Variants in CEP128 observed in about 807,000 individuals in gnomAD.
CEP128 encodes centrosomal protein 128kDa.
CEP128 carries 132 observed loss-of-function variants against 156.7 expected under a neutral mutation model. The observed-to-expected ratio is 0.84, with a 90% CI of 0.73 to 0.97. The LOEUF is 0.97. Among genes scored for constraint, CEP128 ranks in the 50% least tolerant of loss-of-function variants. The pLI, the probability that CEP128 is intolerant of heterozygous loss-of-function variation, is 0.00. For synonymous variants in CEP128, 469 were observed against 448.9 expected, an observed-to-expected ratio of 1.04 and a Z score of -0.57; for missense variants, 1,252 against 1,281.9, an observed-to-expected ratio of 0.98 and a Z score of 0.36.
intron 23 of CEP128, among the ~76,000 whole-genome samples, chr14:80,510,702 G>C (rs1888204668): frequency 1.3e-5 from 2 of 151,878 alleles, no homozygotes; most frequent in South Asian, 4.1e-4. Context: ...GTTTTCAGTT[G>C]TTCCTCATTC....
intron 19 of CEP128, among the ~76,000 whole-genome samples, chr14:80,683,861 A>G (rs1465545454): frequency 1.3e-5 from 2 of 152,144 alleles, no homozygotes; most frequent in Admixed American, 1.3e-4. Context: ...TTGCTCCTGA[A>G]TGACTTTTGG....
intron 9 of CEP128, among the ~76,000 whole-genome samples, chr14:80,841,639 A>G (rs1302961283): frequency 2.0e-5 from 3 of 152,036 alleles, no homozygotes; most frequent in Admixed American, 2.0e-4. Flanking sequence ...GATTCTATGA[A>G]TTATTATTAT....
chr14:80,843,909 T>C (rs1489497320), intron 9 of CEP128, among the ~76,000 whole-genome samples: 1 of 151,958 alleles, frequency 6.6e-6, no homozygotes, highest in Admixed American at 6.6e-5. Flanking sequence ...TCCAAAGCCA[T>C]CAAACATCAA....
intron 19 of CEP128, among the ~76,000 whole-genome samples, chr14:80,591,162 A>C (rs890438933): frequency 6.6e-6 from 1 of 152,224 alleles, no homozygotes; most frequent in African/African-American, 2.4e-5. Flanking sequence ...TAACAATATT[A>C]ACCTTAAATG....
chr14:80,540,682 C>T lies in CEP128; in HGVS notation c.2881-9796G>A, dbSNP rs557628543. On this transcript the variant is annotated intron_variant, in intron 21 of 24. Coordinates refer to ENST00000555265, the MANE Select transcript of CEP128 (RefSeq NM_152446.5). The stretch of plus-strand genomic sequence containing the variant: ...AGGATGTCATTTGGAGAGCAGACTG[C>T]TAGCCCCTCACCCCTAACCAGGAGA... Among the ~76,000 whole-genome samples, 17 of 152,288 alleles carry T rather than the reference C, an allele frequency of 1.1e-4. No individual in the cohort carries two copies. The South Asian group carries it at 1.9e-3, about 17-fold the overall frequency.
chr14:80,619,373 C>CACAG (rs1555383083), intron 19 of CEP128, among the ~76,000 whole-genome samples: 1 of 148,684 alleles, frequency 6.7e-6, no homozygotes, highest in African/African-American at 2.5e-5. Flanking sequence ...CACAGACACA[C>CACAG]ACACACACAC....
At chr14:80,729,072 T>G (rs1040570169) in intron 19 of CEP128, among the ~76,000 whole-genome samples, 27 of 50,034 alleles carry the variant, frequency 5.4e-4, no homozygotes, top group African/African-American at 1.0e-3. Context: ...TGTGTGTGTG[T>G]GTGTGTGTGT....
At chr14:80,537,054 T>C (rs1889517042) in intron 21 of CEP128, among the ~76,000 whole-genome samples, 1 of 152,198 alleles carries the variant, frequency 6.6e-6, no homozygotes, top group Non-Finnish European at 1.5e-5. Flanking sequence ...ACTATTGTAG[T>C]CAAAAGTGGT....
intron 19 of CEP128, among the ~76,000 whole-genome samples, chr14:80,608,017 C>T (rs777312206): frequency 5.3e-5 from 8 of 152,162 alleles, no homozygotes; most frequent in Non-Finnish European, 1.2e-4. Context: ...GCCTCAGGGC[C>T]TTTGCTGCAA....
chr14:80,532,027 T>C (rs923555034), intron 21 of CEP128, among the ~76,000 whole-genome samples: 2 of 152,188 alleles, frequency 1.3e-5, no homozygotes, highest in Admixed American at 1.3e-4. Context: ...CAATAACCTC[T>C]ACTGTGTTAA....
At chr14:80,607,034 G>T (rs1047142613) in intron 19 of CEP128, among the ~76,000 whole-genome samples, 1 of 150,326 alleles carries the variant, frequency 6.7e-6, no homozygotes, top group African/African-American at 2.4e-5. Context: ...ACATATATAC[G>T]ATACACACAT....
chr14:80,547,955 C>T (rs147134792), intron 21 of CEP128, among the ~76,000 whole-genome samples: 31 of 152,208 alleles, frequency 2.0e-4, no homozygotes, highest in African/African-American at 6.0e-4. Flanking sequence ...AGCGCCACCA[C>T]GCCCAGCTAA....
intron 13 of CEP128, among the ~76,000 whole-genome samples, chr14:80,811,677 ATGTGTG>A (rs71645384): frequency 0.027 from 3,926 of 146,448 alleles, 90 homozygotes; most frequent in East Asian, 0.074. Flanking sequence ...GTACAGACAT[ATGTGTG>A]TGTGTGTGTG....
At chr14:80,894,022 C>A (rs925949398) in intron 8 of CEP128, among the ~76,000 whole-genome samples, 2 of 151,938 alleles carry the variant, frequency 1.3e-5, no homozygotes, top group Non-Finnish European at 2.9e-5. Context: ...GTAAATATCA[C>A]ATCTAAATGT....
At chr14:80,789,162 T>C (rs1647976421) in intron 14 of CEP128, among the ~76,000 whole-genome samples, 1 of 152,058 alleles carries the variant, frequency 6.6e-6, no homozygotes, top group Non-Finnish European at 1.5e-5. Context: ...AAATTGAAGA[T>C]GTGATGAGAA....
At chr14:80,685,409 G>A (rs1896486182) in intron 19 of CEP128, among the ~76,000 whole-genome samples, 1 of 151,720 alleles carries the variant, frequency 6.6e-6, no homozygotes, top group African/African-American at 2.4e-5. Context: ...ATTTCCACAA[G>A]GAGAACCACA....
At chr14:80,614,074 A>G (rs1893114301) in intron 19 of CEP128, among the ~76,000 whole-genome samples, 1 of 152,220 alleles carries the variant, frequency 6.6e-6, no homozygotes, top group Non-Finnish European at 1.5e-5. Context: ...CAGAGGGGAA[A>G]GAGTCAAGGA....
intron 8 of CEP128, among the ~76,000 whole-genome samples, chr14:80,864,112 T>C (rs752739219): frequency 6.6e-6 from 1 of 152,228 alleles, no homozygotes; most frequent in Non-Finnish European, 1.5e-5. Flanking sequence ...GGTAAATGTA[T>C]TTTCTCTTCC....
At chr14:80,727,196 C>G (rs1898052441) in intron 19 of CEP128, among the ~76,000 whole-genome samples, 1 of 151,864 alleles carries the variant, frequency 6.6e-6, no homozygotes, top group South Asian at 2.1e-4. Context: ...ACGACTTAAA[C>G]AAAAATAAGG....
Sources: gnomAD v4.1 joint callset for allele counts (sites outside exome capture counted in the v4.1 genomes callset) on GRCh38, gnomAD v4.1.1 for gene constraint, MANE v1.5 for transcripts, NCBI Gene and HGNC (gene_info 2026-07-23, HGNC 2026-07-21) for gene names.